Variants in TREM2 observed in about 807,000 individuals in gnomAD.
The protein encoded by TREM2 is triggering receptor expressed on myeloid cells 2.
In TREM2, 20 loss-of-function variants were observed where a neutral mutation model predicts 22.9. The observed-to-expected ratio is 0.87, with a 90% confidence interval of 0.61 to 1.27. The LOEUF (loss-of-function observed/expected upper bound fraction) is 1.27, where lower values mean the gene tolerates loss of function less well. Among genes scored for constraint, TREM2 ranks in the 50% most tolerant of loss-of-function variants. TREM2 has a pLI of 0.00. For synonymous variants in TREM2, 111 were observed against 120.9 expected, an observed-to-expected ratio of 0.92 and a Z score of 0.54; for missense variants, 267 against 289.0, an observed-to-expected ratio of 0.92 and a Z score of 0.55.
chr6:41,159,206 G>C lies in TREM2; in HGVS notation c.483-140C>G, dbSNP rs1765496519. 4 of 968,994 alleles carry C rather than the reference G, an allele frequency of 4.1e-6. No individual in the cohort carries two copies. In the Admixed American group the frequency reaches 8.9e-5, roughly 22 times the overall value. 60.0% of individuals were successfully genotyped at this position (968,994 alleles called of 1,614,324 possible). ...CACCATCCCTGGGATGGGCCTTTTT[G>C]GAGCTTTGGGAGCCCATAGTCAAGA... On this transcript the variant is annotated intron_variant, in intron 3 of 4. Coordinates refer to ENST00000373113, the MANE Select transcript of TREM2 (RefSeq NM_018965.4).
intron 2 of TREM2, among the ~76,000 whole-genome samples, chr6:41,161,052 T>G (rs994227512): frequency 1.3e-5 from 2 of 152,158 alleles, no homozygotes; most frequent in Non-Finnish European, 2.9e-5. Context: ...GGGAACACAG[T>G]CTGGCAAAAG....
At chr6:41,159,666 T>A in intron 3 of TREM2, 126 bp downstream of exon 3, 1 of 787,858 alleles carries the variant, frequency 1.3e-6, no homozygotes, top group Admixed American at 2.0e-5. Flanking sequence ...ACATAAGAGA[T>A]ATCCAGGGCC....
At chr6:41,163,007 G>A (rs1366404537) in intron 1 of TREM2, 36 bp downstream of exon 1, 2 of 1,614,018 alleles carry the variant, frequency 1.2e-6, no homozygotes, top group South Asian at 1.1e-5. Context: ...CAAAGTGAGG[G>A]AGAGAAGGCA....
chr6:41,159,975 C>A, intron 2 of TREM2, 93 bp from the exon 3 acceptor site: 4 of 932,126 alleles, frequency 4.3e-6, no homozygotes, highest in Non-Finnish European at 6.8e-6. Context: ...GGGGTGAGGT[C>A]CCCTGGGCAC....
chr6:41,159,738 G>C (rs905993798), intron 3 of TREM2, 54 bp downstream of exon 3: 83 of 1,536,550 alleles, frequency 5.4e-5, no homozygotes, highest in Non-Finnish European at 7.1e-5. Flanking sequence ...CCCCCGTGGG[G>C]CTCTGCAGGG....
intron 3 of TREM2, 181 bp from the exon 4 acceptor site, chr6:41,159,247 C>CATGCTCTGCCACTAACCTGCTG: frequency 8.5e-6 from 6 of 706,134 alleles, no homozygotes; most frequent in Non-Finnish European, 1.4e-5. Flanking sequence ...GAGTTCTAGG[C>CATGCTCTGCCACTAACCTGCTG]ATGCTCTGCC....
intron 3 of TREM2, 146 bp from the exon 4 acceptor site, chr6:41,159,212 T>C: frequency 1.0e-6 from 1 of 960,042 alleles, no homozygotes; most frequent in Non-Finnish European, 1.6e-6. Flanking sequence ...TTTTGGAGCT[T>C]TGGGAGCCCA....
chr6:41,160,654 C>A (rs1765539480), intron 2 of TREM2, among the ~76,000 whole-genome samples: 1 of 152,094 alleles, frequency 6.6e-6, no homozygotes, highest in South Asian at 2.1e-4. Context: ...CATGTCACAC[C>A]CTGCCCCCAA....
At chr6:41,162,273 T>G (rs573394590) in intron 1 of TREM2, among the ~76,000 whole-genome samples, 1 of 152,318 alleles carries the variant, frequency 6.6e-6, no homozygotes, top group East Asian at 1.9e-4. Flanking sequence ...AAGATAGGAT[T>G]GGGAAGTTGG....
chr6:41,159,021 A>G lies in TREM2; in HGVS notation c.528T>C (p.Leu176=). The G allele has an allele frequency of 1.2e-6, 2 of 1,614,066 alleles. No homozygotes were observed. The highest frequency in any genetic ancestry group is 1.7e-6 in the Non-Finnish European group (2 of 1,179,998). ...GEIPFPPTSI[L]LLLACIFLIK... ...TGAGAAAGATGCAGGCCAGGAGGAG[A>G]AGGATGGAAGTGGGTGGGAAGGGGA... The change falls in exon 4 of 5, where the codon CTT becomes CTC. Residue 176 remains leucine, a synonymous_variant. Transcript: ENST00000373113.
chr6:41,158,720 C>T lies in TREM2; in HGVS notation c.*44G>A. 1.2e-6 allele frequency: 2 copies of T among 1,614,184 alleles called. No individual in the cohort carries two copies. The highest frequency in any genetic ancestry group is 1.7e-6 in the Non-Finnish European group (2 of 1,180,034). On this transcript the variant is annotated 3_prime_UTR_variant, in exon 5 of 5. Coordinates refer to ENST00000373113, the MANE Select transcript of TREM2 (RefSeq NM_018965.4). ...TGGCAAGTATGCAGGCTGGGCTGGT[C>T]CCTGGTGGGACTTCTCCTGGGCTTT...
At chr6:41,159,181 C>T (rs1765495696) in intron 3 of TREM2, 115 bp from the exon 4 acceptor site, 1 of 1,333,212 alleles carries the variant, frequency 7.5e-7, no homozygotes, top group Non-Finnish European at 1.0e-6. Context: ...TCCCACCCAG[C>T]ACCATCCCTG....
Position 41,161,253 on chromosome 6 carries a change from G to A in TREM2, c.391+10C>T. On this transcript the variant is annotated intron_variant, in intron 2 of 4. Coordinates refer to ENST00000373113, the MANE Select transcript of TREM2 (RefSeq NM_018965.4). ...GGGGCAGGCCAGAGAGGCAGCCACT[G>A]CCCACTCACCTGCCAGCACCTCCAC... is the stretch of plus-strand genomic sequence containing the variant. 2.5e-6 allele frequency: 4 copies of A among 1,612,154 alleles called. No homozygotes were observed. In the South Asian group the frequency reaches 3.3e-5, roughly 13 times the overall value.
intron 1 of TREM2, among the ~76,000 whole-genome samples, chr6:41,162,329 C>G (rs1027357774): frequency 6.6e-6 from 1 of 152,212 alleles, no homozygotes; most frequent in Non-Finnish European, 1.5e-5. Flanking sequence ...CCGTGGCCCT[C>G]TCCCATCTGA....
In TREM2 at chr6:41,159,764, G is replaced by C. The variant is rs150598166; in HGVS notation, c.482+28C>G. On this transcript the variant is annotated intron_variant, in intron 3 of 4. Coordinates refer to ENST00000373113, the MANE Select transcript of TREM2 (RefSeq NM_018965.4). ...CTCTGCAGGGTGGAAGTCTGCCCACGGGTTTTAGGAAAGACCCATCGCTGT... is the reference window on the plus strand; with the variant it reads ...CTCTGCAGGGTGGAAGTCTGCCCACCGGTTTTAGGAAAGACCCATCGCTGT... 4.2e-5 allele frequency: 67 copies of C among 1,609,370 alleles called. No homozygotes were observed. The African/African-American group carries it at 5.6e-4, about 13-fold the overall frequency.
rs104894002 is a variant in TREM2, at chr6:41,161,557, G to A, written c.97C>T (p.Gln33Ter). ...VFQGVAGQSL[Q>*]VSCPYDSMKH... ...ATGGAGTCATAGGGGCAAGACACCT[G>A]CAGGGACTGGCCCGCCACGCCCTGG... Residue 33 changes from glutamine to a stop codon, truncating the protein, a stop_gained, in exon 2 of 5, where the codon CAG (glutamine) becomes TAG (stop). Coordinates refer to ENST00000373113, the MANE Select transcript of TREM2 (RefSeq NM_018965.4). LOFTEE classifies it high-confidence loss of function. 3.6e-5 allele frequency: 58 copies of A among 1,613,982 alleles called. No individual in the cohort carries two copies. The highest frequency in any genetic ancestry group is 4.4e-5 in the Non-Finnish European group (52 of 1,180,026).
Position 41,159,813 on chromosome 6 carries a change from T to G in TREM2, c.461A>C (p.His154Pro). The change falls in exon 3 of 5, where the codon CAT (histidine) becomes CCT (proline). Residue 154 changes from histidine (H) to proline (P), a missense_variant. Transcript: ENST00000373113. ...PGESESFEDA[H>P]VEHSISRSLL... The stretch of plus-strand genomic sequence containing the variant: ...GTACCTGGAGATGCTGTGCTCCACA[T>G]GGGCATCCTCGAAGCTCTCAGACTC... 1 of 1,614,140 alleles carries G rather than the reference T, an allele frequency of 6.2e-7. No individual in the cohort carries two copies. The highest frequency in any genetic ancestry group is 2.2e-5 in the East Asian group (1 of 44,870).
rs1401948530 is a variant in TREM2, at chr6:41,163,111, C to G, written c.-29G>C. The G allele has an allele frequency of 2.5e-6, 4 of 1,613,558 alleles. No individual in the cohort carries two copies. The highest frequency in any genetic ancestry group is 1.6e-4 in the Middle Eastern group (1 of 6,062). On this transcript the variant is annotated 5_prime_UTR_variant, in exon 1 of 5. Transcript: ENST00000373113. ...ACCCTTCCCCAGCCAAGGGCAGAAG[C>G]AGAGTGCCTTGTGCAAGATCTCGTC...
chr6:41,159,681 A>C, intron 3 of TREM2, 111 bp downstream of exon 3: 1 of 909,774 alleles, frequency 1.1e-6, no homozygotes, highest in South Asian at 1.4e-5. Flanking sequence ...AGGGCCCTTC[A>C]GGCTCTAGTT....
Sources: allele counts gnomAD v4.1 joint callset (sites outside exome capture counted in the v4.1 genomes callset), GRCh38; gene constraint gnomAD v4.1.1; transcripts MANE v1.5; gene names NCBI Gene and HGNC (gene_info 2026-07-23, HGNC 2026-07-21).